The following TANC1 variants were observed in gnomAD, a reference collection of about 807,000 sequenced individuals.
TANC1 encodes the protein protein TANC1.
TANC1 carries 77 observed loss-of-function variants against 149.7 expected under a neutral mutation model. That is an observed-to-expected ratio of 0.51 (90% CI 0.43 to 0.62). The LOEUF is 0.62. Among genes scored for constraint, TANC1 ranks in the 20% least tolerant of loss-of-function variants. The pLI is 0.00. For synonymous variants in TANC1, 854 were observed against 925.0 expected, an observed-to-expected ratio of 0.92 and a Z score of 1.39; for missense variants, 1,985 against 2,321.8, an observed-to-expected ratio of 0.85 and a Z score of 2.98.
chr2:159,093,380 A>G (rs1275410375), intron 3 of TANC1, among the ~76,000 whole-genome samples: 2 of 152,230 alleles, frequency 1.3e-5, no homozygotes, highest in Non-Finnish European at 2.9e-5. Flanking sequence ...GAGGAATGTT[A>G]CATCTACTGG....
chr2:159,206,648 T>C (rs1428587496), intron 19 of TANC1, among the ~76,000 whole-genome samples: 2 of 152,246 alleles, frequency 1.3e-5, no homozygotes, highest in Non-Finnish European at 2.9e-5. Context: ...TTCATTCATA[T>C]TTTGGGAAGG....
In TANC1 at chr2:159,232,300, T is replaced by G. The variant is rs1215072969; in HGVS notation, c.*1288T>G. 1 of 152,646 alleles carries G rather than the reference T, an allele frequency of 6.6e-6. No homozygotes were observed. Among genetic ancestry groups the G allele is most frequent in the African/African-American group, 2.4e-5 (1 of 41,466 alleles). The allele number at this position is 152,646 out of a possible 1,614,324, so 9.5% of individuals were successfully genotyped here. Reference sequence around the variant, plus strand: ...TGTTAAAATGCTAATTTGAGAGAAGTAGGAGTGTATCTGTTTTATATGTTG... The same window carrying G: ...TGTTAAAATGCTAATTTGAGAGAAGGAGGAGTGTATCTGTTTTATATGTTG... On this transcript the variant is annotated 3_prime_UTR_variant, in exon 27 of 27. Coordinates refer to ENST00000263635, the MANE Select transcript of TANC1 (RefSeq NM_033394.3).
intron 7 of TANC1, among the ~76,000 whole-genome samples, chr2:159,162,863 C>G (rs1434397982): frequency 6.6e-6 from 1 of 151,992 alleles, no homozygotes; most frequent in East Asian, 1.9e-4. Context: ...GTTGTTTGTT[C>G]CCACTCCCCC....
Position 159,230,592 on chromosome 2 carries a change from G to T in TANC1, c.5166G>T (p.Pro1722=), listed in dbSNP as rs746679276. The T allele has an allele frequency of 2.5e-6, 4 of 1,614,156 alleles. No individual in the cohort carries two copies. Among genetic ancestry groups the T allele is most frequent in the Non-Finnish European group, 3.4e-6 (4 of 1,180,038 alleles). The change falls in exon 27 of 27, where the codon CCG becomes CCT. Residue 1722 remains proline, a synonymous_variant. Transcript: ENST00000263635. The surrounding 1 kb of genome is among the most constrained non-coding windows in gnomAD (Gnocchi z 4.4). The stretch of plus-strand genomic sequence containing the variant: ...CTGAGCACAGACCCCGCAACACGCC[G>T]TTCATGGGCATCATGGATAAGACTG... ...GTAEHRPRNT[P]FMGIMDKTAR...
At chr2:159,207,966 C>T (rs2058741095) in intron 19 of TANC1, among the ~76,000 whole-genome samples, 1 of 152,122 alleles carries the variant, frequency 6.6e-6, no homozygotes, top group Non-Finnish European at 1.5e-5. Flanking sequence ...TAATCAAGAG[C>T]ATGACTTCAG....
chr2:159,087,515 G>GTTT (rs60634719), intron 3 of TANC1, among the ~76,000 whole-genome samples: 4 of 113,740 alleles, frequency 3.5e-5, no homozygotes, highest in African/African-American at 1.3e-4. Context: ...TTTTGTTTTT[G>GTTT]TTTTTTTTTT....
intron 12 of TANC1, 39 bp downstream of exon 12, chr2:159,175,223 TG>T (rs1425478076): frequency 5.8e-6 from 9 of 1,547,000 alleles, no homozygotes; most frequent in Non-Finnish European, 8.0e-6. Context: ...ATCTCAGTAG[TG>T]GTACAGCAGA....
At chr2:159,122,376 C>G (rs977315522) in intron 4 of TANC1, among the ~76,000 whole-genome samples, 3 of 152,102 alleles carry the variant, frequency 2.0e-5, no homozygotes, top group Non-Finnish European at 4.4e-5. Flanking sequence ...TGGGGACTTC[C>G]TATAACTGGG....
At position 159,230,638 on chromosome 2, in the gene TANC1, A is replaced by C. The variant is rs751882909; in HGVS notation, c.5212A>C (p.Asn1738His). Residue 1738 changes from asparagine (N) to histidine (H), a missense_variant, in exon 27 of 27, where the codon AAT becomes CAT. Asn to His is a moderately conservative substitution (Grantham distance 68). This residue lies in a region of TANC1 where 920 missense variants were observed against 994.7 expected (regional missense o/e 0.92). Transcript: ENST00000263635. The surrounding 1 kb of genome is among the most constrained non-coding windows in gnomAD (Gnocchi z 4.4). ...DKTARFQQQS[N>H]PPSRSWHCPA... Reference sequence around the variant, plus strand: ...GACTGCGAGGTTCCAACAGCAGAGCAATCCTCCAAGCCGCAGCTGGCACTG... The same window carrying C: ...GACTGCGAGGTTCCAACAGCAGAGCCATCCTCCAAGCCGCAGCTGGCACTG... 6 of 1,614,110 alleles carry C rather than the reference A, an allele frequency of 3.7e-6. No individual in the cohort carries two copies. Among genetic ancestry groups the C allele is most frequent in the Non-Finnish European group, 5.1e-6 (6 of 1,180,054 alleles).
At chr2:159,038,140 G>A (rs1307894005) in intron 2 of TANC1, among the ~76,000 whole-genome samples, 1 of 152,202 alleles carries the variant, frequency 6.6e-6, no homozygotes, top group Non-Finnish European at 1.5e-5. Context: ...GTTCACTCAT[G>A]ATTTGGCTCT....
chr2:158,986,848 A>G (rs1175585133), intron 1 of TANC1, among the ~76,000 whole-genome samples: 1 of 152,172 alleles, frequency 6.6e-6, no homozygotes, highest in Non-Finnish European at 1.5e-5. Context: ...CTCAAAAGTA[A>G]CAAGTCCTCA....
chr2:159,038,538 T>G (rs2040384989), intron 2 of TANC1, among the ~76,000 whole-genome samples: 1 of 152,196 alleles, frequency 6.6e-6, no homozygotes. Context: ...CAATACCTAA[T>G]TTATTGAGAG....
At chr2:159,084,893 G>T (rs1002708435) in intron 3 of TANC1, among the ~76,000 whole-genome samples, 4 of 152,172 alleles carry the variant, frequency 2.6e-5, no homozygotes, top group African/African-American at 7.2e-5. Context: ...AGTCAAACTG[G>T]CTGGGTTCAA....
At chr2:159,192,027 A>G (rs73002970) in intron 16 of TANC1, among the ~76,000 whole-genome samples, 7,805 of 152,268 alleles carry the variant, frequency 0.051, 347 homozygotes, top group African/African-American at 0.12. Context: ...AGATCTGAAA[A>G]AAAAAATATT....
At chr2:158,984,102 C>T (rs551583516) in intron 1 of TANC1, among the ~76,000 whole-genome samples, 6 of 152,318 alleles carry the variant, frequency 3.9e-5, no homozygotes, top group African/African-American at 1.4e-4. Context: ...TCAGAATGAA[C>T]TTGATTCCCT....
chr2:158,973,514 C>A (rs2033204550), intron 1 of TANC1, among the ~76,000 whole-genome samples: 1 of 152,174 alleles, frequency 6.6e-6, no homozygotes, highest in African/African-American at 2.4e-5. Flanking sequence ...AGCTCTCAAG[C>A]CTCACATCCA....
At chr2:158,999,626 T>C (rs913574243) in intron 1 of TANC1, among the ~76,000 whole-genome samples, 3 of 152,148 alleles carry the variant, frequency 2.0e-5, no homozygotes, top group Non-Finnish European at 4.4e-5. Flanking sequence ...TGTTTCTGGT[T>C]TTTTTCTTTC....
Position 159,178,927 on chromosome 2 carries a change from C to T in TANC1, c.2274C>T (p.Leu758=), listed in dbSNP as rs2056163061. 1 of 1,614,174 alleles carries T rather than the reference C, an allele frequency of 6.2e-7. No homozygotes were observed. The highest frequency in any genetic ancestry group is 2.2e-5 in the East Asian group (1 of 44,884). The change falls in exon 14 of 27, where the codon CTC becomes CTT. Residue 758 remains leucine, a synonymous_variant. Transcript: ENST00000263635. ...QSAFERALPI[L]NVALASLHPM... ...CCTTTGAGAGGGCACTTCCGATTCTCAACGTGGCCCTCGCATCCCTCCACC... is the reference window on the plus strand; with the variant it reads ...CCTTTGAGAGGGCACTTCCGATTCTTAACGTGGCCCTCGCATCCCTCCACC...
chr2:159,159,717 T>TGTGAGA (rs1480521171), intron 7 of TANC1, among the ~76,000 whole-genome samples: 10 of 114,970 alleles, frequency 8.7e-5, no homozygotes, highest in East Asian at 7.9e-4. Flanking sequence ...TGTGTGTGTG[T>TGTGAGA]GAGAGAGAGA....
Sources: gnomAD v4.1 joint callset for allele counts (sites outside exome capture counted in the v4.1 genomes callset) on GRCh38, gnomAD v4.1.1 for gene constraint, gnomAD v4.1.1 regional missense constraint, Gnocchi (gnomAD v3.1) non-coding constraint, MANE v1.5 for transcripts, NCBI Gene and HGNC (gene_info 2026-07-23, HGNC 2026-07-21) for gene names.